PRKAR2A: variants seen among roughly 807,000 people sequenced by gnomAD.
The protein encoded by PRKAR2A is cAMP-dependent protein kinase type II-alpha regulatory subunit.
In PRKAR2A, 29 loss-of-function variants were observed where a neutral mutation model predicts 51.9. The ratio of observed to expected loss-of-function variants is 0.56; its 90% CI spans 0.42 to 0.76. The LOEUF (loss-of-function observed/expected upper bound fraction) is 0.76. Ranked by LOEUF, PRKAR2A falls within the 30% of genes least tolerant of loss-of-function variation. The pLI, the probability that PRKAR2A is intolerant of heterozygous loss-of-function variation, is 0.00. For missense variants in PRKAR2A, 445 were observed against 512.1 expected (o/e 0.87, Z 1.26); for synonymous variants, 178 against 186.2 (o/e 0.96, Z 0.36).
intron 4 of PRKAR2A, 64 bp from the exon 5 acceptor site, chr3:48,783,156 T>C (rs988025620): frequency 4.7e-5 from 49 of 1,041,022 alleles, no homozygotes; most frequent in Non-Finnish European, 6.7e-5. Context: ...GCAGTGACCA[T>C]AATTATCTCA....
At chr3:48,810,170 A>G (rs1478028406) in intron 1 of PRKAR2A, among the ~76,000 whole-genome samples, 1 of 152,122 alleles carries the variant, frequency 6.6e-6, no homozygotes, top group East Asian at 1.9e-4. Flanking sequence ...ACCCAGCAAC[A>G]ATTCCAGTTC....
chr3:48,791,211 A>G (rs2082377879), intron 3 of PRKAR2A, among the ~76,000 whole-genome samples: 1 of 139,188 alleles, frequency 7.2e-6, no homozygotes, highest in Admixed American at 7.5e-5. Context: ...CGCTTGAACC[A>G]TGGAGTCGGA....
At chr3:48,819,799 G>C (rs2082932741) in intron 1 of PRKAR2A, among the ~76,000 whole-genome samples, 1 of 152,214 alleles carries the variant, frequency 6.6e-6, no homozygotes, top group African/African-American at 2.4e-5. Context: ...CAGGAAGGCA[G>C]TGGGGAGGCT....
intron 6 of PRKAR2A, among the ~76,000 whole-genome samples, chr3:48,771,963 T>G (rs2082036171): frequency 6.6e-6 from 1 of 152,160 alleles, no homozygotes; most frequent in South Asian, 2.1e-4. Flanking sequence ...AGATGGAGTT[T>G]TGCTTTTGTT....
chr3:48,817,841 C>A (rs1337436800), intron 1 of PRKAR2A, among the ~76,000 whole-genome samples: 1 of 150,982 alleles, frequency 6.6e-6, no homozygotes, highest in Non-Finnish European at 1.5e-5. Flanking sequence ...AGCTGTGAGC[C>A]CCAAATAAGA....
chr3:48,787,807 A>C (rs2082319405), intron 4 of PRKAR2A, among the ~76,000 whole-genome samples: 1 of 152,070 alleles, frequency 6.6e-6, no homozygotes, highest in Non-Finnish European at 1.5e-5. Flanking sequence ...TACAGACACC[A>C]AGGTTAGTTA....
intron 1 of PRKAR2A, among the ~76,000 whole-genome samples, chr3:48,819,800 T>G (rs951663856): frequency 6.6e-6 from 1 of 152,154 alleles, no homozygotes; most frequent in Non-Finnish European, 1.5e-5. Flanking sequence ...AGGAAGGCAG[T>G]GGGGAGGCTG....
At chr3:48,796,782 G>A (rs1455510180) in intron 2 of PRKAR2A, among the ~76,000 whole-genome samples, 2 of 150,108 alleles carry the variant, frequency 1.3e-5, no homozygotes, top group African/African-American at 2.4e-5. Flanking sequence ...GAGCAACCGC[G>A]CCCGGCCAAC....
intron 1 of PRKAR2A, among the ~76,000 whole-genome samples, chr3:48,843,531 A>G (rs946906941): frequency 6.6e-6 from 1 of 152,186 alleles, no homozygotes; most frequent in Non-Finnish European, 1.5e-5. Context: ...TCGCCAAGTC[A>G]ATCCTAAGCC....
intron 2 of PRKAR2A, among the ~76,000 whole-genome samples, chr3:48,798,605 G>C (rs2082535370): frequency 6.6e-6 from 1 of 151,400 alleles, no homozygotes; most frequent in African/African-American, 2.4e-5. Context: ...GGAAATAAAT[G>C]GGTACATGGG....
chr3:48,804,145 C>T (rs778983974), intron 2 of PRKAR2A, among the ~76,000 whole-genome samples: 1 of 151,992 alleles, frequency 6.6e-6, no homozygotes, highest in Non-Finnish European at 1.5e-5. Context: ...TTAACAAAGT[C>T]GGTTTAGCAA....
chr3:48,801,064 C>T (rs369382504), intron 2 of PRKAR2A, among the ~76,000 whole-genome samples: 3 of 152,346 alleles, frequency 2.0e-5, no homozygotes, highest in Admixed American at 1.3e-4. Context: ...TTACTGCAAA[C>T]TGCCTCCTGG....
At chr3:48,792,928 C>T (rs1488395890) in intron 3 of PRKAR2A, among the ~76,000 whole-genome samples, 5 of 151,074 alleles carry the variant, frequency 3.3e-5, no homozygotes, top group Admixed American at 3.3e-4. Flanking sequence ...GACTCTGTCT[C>T]AAAAACAAAC....
At chr3:48,774,473 GGGC>G (rs935325857) in intron 5 of PRKAR2A, among the ~76,000 whole-genome samples, 1 of 151,770 alleles carries the variant, frequency 6.6e-6, no homozygotes, top group African/African-American at 2.4e-5. Context: ...AGACAATCCT[GGGC>G]AACGTATGGA....
At chr3:48,800,743 G>A (rs1020057010) in intron 2 of PRKAR2A, among the ~76,000 whole-genome samples, 11 of 151,546 alleles carry the variant, frequency 7.3e-5, no homozygotes, top group African/African-American at 1.2e-4. Context: ...CAATCTCCTC[G>A]GCTCACTGCA....
At chr3:48,784,576 C>T (rs1314596793) in intron 4 of PRKAR2A, among the ~76,000 whole-genome samples, 1 of 152,156 alleles carries the variant, frequency 6.6e-6, no homozygotes, top group East Asian at 1.9e-4. Flanking sequence ...CTGCTGGAAG[C>T]CGCTTGTTCT....
intron 5 of PRKAR2A, among the ~76,000 whole-genome samples, chr3:48,775,668 A>G (rs1461175884): frequency 2.0e-5 from 3 of 152,050 alleles, no homozygotes; most frequent in Admixed American, 6.6e-5. Context: ...ATTCCAAGAG[A>G]GATAATCAAA....
At chr3:48,817,810 G>C (rs1575925219) in intron 1 of PRKAR2A, among the ~76,000 whole-genome samples, 1 of 151,460 alleles carries the variant, frequency 6.6e-6, no homozygotes, top group East Asian at 1.9e-4. Context: ...AAAAGATTTG[G>C]TATGCTCTTT....
At chr3:48,802,573 G>A (rs902547816) in intron 2 of PRKAR2A, among the ~76,000 whole-genome samples, 1 of 152,058 alleles carries the variant, frequency 6.6e-6, no homozygotes, top group Non-Finnish European at 1.5e-5. Context: ...GCATGGTGGC[G>A]CACACCTGTA....
Sources: allele counts gnomAD v4.1 joint callset (sites outside exome capture counted in the v4.1 genomes callset), GRCh38; gene constraint gnomAD v4.1.1; transcripts MANE v1.5; gene names NCBI Gene and HGNC (gene_info 2026-07-23, HGNC 2026-07-21).